Variants in NOX4 observed in about 807,000 individuals in gnomAD.
NOX4 encodes NADPH oxidase 4.
Under a neutral mutation model 87.6 loss-of-function variants are expected in NOX4, and 69 were observed. The ratio of observed to expected loss-of-function variants is 0.79; its 90% CI spans 0.65 to 0.96. The LOEUF (loss-of-function observed/expected upper bound fraction) is 0.96, where lower values mean the gene tolerates loss of function less well. NOX4 is among the 40% of genes least tolerant of loss of function. The probability of loss-of-function intolerance (pLI) is 0.00; values close to 1 mark genes in which losing one functional copy is unlikely to be tolerated. For synonymous variants in NOX4, 275 were observed against 238.2 expected (o/e 1.15, Z -1.42); for missense variants, 680 against 681.5 (o/e 1.00, Z 0.02).
chr11:89,487,547 T>C (rs1946680087), intron 2 of NOX4, among the ~76,000 whole-genome samples: 1 of 152,208 alleles, frequency 6.6e-6, no homozygotes. Context: ...TGTTTCTATT[T>C]GCATTTTAAA....
the NOX4 span, among the ~76,000 whole-genome samples, chr11:89,567,046 A>G: frequency 2.6e-5 from 4 of 152,068 alleles, no homozygotes; most frequent in Non-Finnish European, 5.9e-5. Context: ...AAGGCTTACC[A>G]CACTCCCCTA....
rs1438031532 is a variant in NOX4 at position 89,490,520 on chromosome 11, A to G, written c.91T>C (p.Trp31Arg). ...IWLSMNVLLFWKTFLLYNQGP... is the reference protein window; with the variant it reads ...IWLSMNVLLFRKTFLLYNQGP... ...TGGTTATACAGCAAGAAGGTTTTCCAGAAAAGCAGGACATTCATGGAGAGC... is the reference window on the plus strand; with the variant it reads ...TGGTTATACAGCAAGAAGGTTTTCCGGAAAAGCAGGACATTCATGGAGAGC... The change falls in exon 2 of 18, where the codon TGG becomes CGG. Residue 31 changes from tryptophan (W) to arginine (R), a missense_variant. By Grantham distance (101) the Trp-to-Arg change is moderately radical (BLOSUM62 -3). Transcript: ENST00000263317. The G allele has an allele frequency of 6.2e-7, 1 of 1,614,138 alleles. No individual in the cohort carries two copies. Among genetic ancestry groups the G allele is most frequent in the Admixed American group, 1.7e-5 (1 of 60,034 alleles).
At chr11:89,382,361 C>T (rs558200392) in intron 11 of NOX4, among the ~76,000 whole-genome samples, 4 of 152,204 alleles carry the variant, frequency 2.6e-5, no homozygotes, top group South Asian at 2.1e-4. Context: ...AATACAAACT[C>T]GACAATAGTT....
At chr11:89,459,432 C>A (rs1945351429) in intron 2 of NOX4, among the ~76,000 whole-genome samples, 1 of 151,958 alleles carries the variant, frequency 6.6e-6, no homozygotes, top group African/African-American at 2.4e-5. Flanking sequence ...GCACATGTAC[C>A]ACTGATCCTA....
At chr11:89,429,683 A>ATTCATAGAG (rs1943666059) in intron 7 of NOX4, among the ~76,000 whole-genome samples, 1 of 152,174 alleles carries the variant, frequency 6.6e-6, no homozygotes, top group Non-Finnish European at 1.5e-5. Flanking sequence ...CCCTGAATAG[A>ATTCATAGAG]CCAATAACAG....
At chr11:89,479,663 A>T (rs1388311237) in intron 2 of NOX4, among the ~76,000 whole-genome samples, 1 of 152,164 alleles carries the variant, frequency 6.6e-6, no homozygotes, top group Non-Finnish European at 1.5e-5. Context: ...TAGAGATGAG[A>T]GCCATTGTCA....
chr11:89,335,417 A>G (rs1330165881), intron 17 of NOX4, among the ~76,000 whole-genome samples: 3 of 152,006 alleles, frequency 2.0e-5, no homozygotes, highest in East Asian at 3.9e-4. Flanking sequence ...AAACAAACAA[A>G]AAACATTCAT....
chr11:89,346,301 T>A (rs1946213437), intron 13 of NOX4, among the ~76,000 whole-genome samples: 1 of 152,140 alleles, frequency 6.6e-6, no homozygotes, highest in Non-Finnish European at 1.5e-5. Context: ...ACAAATTAAT[T>A]AATTTAAAGT....
intron 2 of NOX4, among the ~76,000 whole-genome samples, chr11:89,467,892 C>T (rs1945776298): frequency 6.6e-6 from 1 of 152,248 alleles, no homozygotes; most frequent in South Asian, 2.1e-4. Flanking sequence ...AATTACATTA[C>T]TTTGTATAGT....
At chr11:89,463,925 T>C (rs550914785) in intron 2 of NOX4, among the ~76,000 whole-genome samples, 241 of 152,174 alleles carry the variant, frequency 1.6e-3, no homozygotes, top group Non-Finnish European at 3.0e-3. Flanking sequence ...TTATCTCTTT[T>C]GATCTGGCAT....
intron 2 of NOX4, among the ~76,000 whole-genome samples, chr11:89,467,178 C>A (rs1945731900): frequency 6.6e-6 from 1 of 151,558 alleles, no homozygotes; most frequent in Admixed American, 6.6e-5. Context: ...GAAACCCCAT[C>A]TCTACTAAAA....
chr11:89,437,732 G>A (rs966257067), intron 6 of NOX4, among the ~76,000 whole-genome samples: 5 of 152,028 alleles, frequency 3.3e-5, no homozygotes, highest in African/African-American at 1.2e-4. Context: ...AAGTGGAAAA[G>A]ACAGTACATG....
rs575495167 is a variant in NOX4, at chr11:89,397,071, A to C, written c.1074+2946T>G. On this transcript the variant is annotated intron_variant, in intron 11 of 17. Coordinates refer to ENST00000263317, the MANE Select transcript of NOX4 (RefSeq NM_016931.5). ...AAAATTGACCACATAGCTGGAAGTA[A>C]AGCACTCCTCAGGAAATGTATAAGA... Among the ~76,000 whole-genome samples the C allele has an allele frequency of 2.0e-5, 3 of 152,264 alleles. No homozygotes were observed. The East Asian group carries it at 5.8e-4, about 29-fold the overall frequency.
At chr11:89,551,779 A>AT in the NOX4 span, among the ~76,000 whole-genome samples, 28 of 150,564 alleles carry the variant, frequency 1.9e-4, no homozygotes, top group South Asian at 1.3e-3. Context: ...TTTGAATACC[A>AT]TTTTTTTTTC....
At chr11:89,508,609 A>C in the NOX4 span, among the ~76,000 whole-genome samples, 1 of 152,052 alleles carries the variant, frequency 6.6e-6, no homozygotes. Context: ...CTGCCCAAAC[A>C]GGGACATTTT....
chr11:89,485,420 T>A (rs952155456), intron 2 of NOX4, among the ~76,000 whole-genome samples: 2 of 152,012 alleles, frequency 1.3e-5, no homozygotes, highest in South Asian at 2.1e-4. Flanking sequence ...TATATATAAC[T>A]AAGACACATT....
chr11:89,436,592 G>C (rs988590458), intron 6 of NOX4, among the ~76,000 whole-genome samples: 11 of 152,008 alleles, frequency 7.2e-5, no homozygotes, highest in Non-Finnish European at 1.5e-4. Context: ...ATAATTGCAT[G>C]ACATTGTAAT....
At chr11:89,464,013 T>C (rs1945576509) in intron 2 of NOX4, among the ~76,000 whole-genome samples, 1 of 152,084 alleles carries the variant, frequency 6.6e-6, no homozygotes, top group African/African-American at 2.4e-5. Context: ...AGCTGAATAG[T>C]TAATTTAAAA....
chr11:89,490,641 A>G (rs1420246719), intron 1 of NOX4, 88 bp from the exon 2 acceptor site: 4 of 939,506 alleles, frequency 4.3e-6, no homozygotes, highest in East Asian at 2.4e-5. Context: ...ATTCTTCGAC[A>G]CAGTGCTTTC....
Sources: allele counts gnomAD v4.1 joint callset (sites outside exome capture counted in the v4.1 genomes callset), GRCh38; gene constraint gnomAD v4.1.1; transcripts MANE v1.5; gene names NCBI Gene and HGNC (gene_info 2026-07-23, HGNC 2026-07-21).